C6orf120: variants seen among roughly 807,000 people sequenced by gnomAD.
The protein encoded by C6orf120 is chromosome 6 open reading frame 120.
For missense variants in C6orf120, 311 were observed against 264.2 expected (o/e 1.18, Z -1.23); for synonymous variants, 165 against 123.1 (o/e 1.34, Z -2.25).
chr6:169,704,035 C>T (rs1341280226), exon 1 of C6orf120: 2 of 1,600,336 alleles, frequency 1.2e-6, no homozygotes, highest in African/African-American at 2.7e-5. Context: ...CCCCTTCTGC[C>T]CACTTTCCTG....
rs866828542 is a variant in C6orf120 at position 169,704,050 on chromosome 6, T to C, written c.*1015T>C. 5 of 1,588,504 alleles carry C rather than the reference T, an allele frequency of 3.1e-6. No homozygotes were observed. The highest frequency in any genetic ancestry group is 4.3e-6 in the Non-Finnish European group (5 of 1,173,290). Reference sequence around the variant, plus strand: ...CCCCTTCTGCCCACTTTCCTGGGTGTTGGGGGGGCCCGCTGACAACAGTCA... The same window carrying C: ...CCCCTTCTGCCCACTTTCCTGGGTGCTGGGGGGGCCCGCTGACAACAGTCA... On this transcript the variant is annotated 3_prime_UTR_variant, in exon 1 of 1. Transcript: ENST00000332290.
downstream of C6orf120, among the ~76,000 whole-genome samples, chr6:169,706,353 TAGAA>T (rs550968783): frequency 4.7e-3 from 721 of 152,284 alleles, 3 homozygotes; most frequent in African/African-American, 0.015. Flanking sequence ...AATCTATACT[TAGAA>T]AGATTCACTA....
At chr6:169,702,308 G>A (rs1325495942) in exon 1 of C6orf120, 5 of 659,698 alleles carry the variant, frequency 7.6e-6, no homozygotes, top group African/African-American at 7.2e-5. Flanking sequence ...GGCCTCACGC[G>A]GGTGGGAAGG....
chr6:169,705,375 T>A, downstream of C6orf120: 3 of 1,264,830 alleles, frequency 2.4e-6, no homozygotes, highest in South Asian at 2.8e-5. Flanking sequence ...TAACTTAATA[T>A]GGCACATAAA....
In C6orf120 at chr6:169,702,742, C is replaced by T. The variant is rs1210996821; in HGVS notation, c.283C>T (p.Gln95Ter). The change falls in exon 1 of 1, where the codon CAA becomes TAA. Residue 95 changes from glutamine (Q) to a stop codon, truncating the protein, a stop_gained. Coordinates refer to ENST00000332290, the Ensembl canonical transcript of C6orf120. LOFTEE classifies it low-confidence loss of function (END_TRUNC). The stretch of plus-strand genomic sequence containing the variant: ...CCCCAGCTTCGACGACTACGAGCTG[C>T]AATCGGCCACCTGCGGCCCGGACGC... 6.2e-7 allele frequency: 1 copy of T among 1,613,390 alleles called. No individual in the cohort carries two copies. Among genetic ancestry groups the T allele is most frequent in the Non-Finnish European group, 8.5e-7 (1 of 1,180,008 alleles).
downstream of C6orf120, chr6:169,705,557 T>C: frequency 1.1e-6 from 1 of 945,910 alleles, no homozygotes; most frequent in Non-Finnish European, 1.7e-6. Context: ...CTATAAATTC[T>C]AGTTTTTGAA....
exon 1 of C6orf120, chr6:169,702,359 G>T: frequency 1.4e-6 from 1 of 724,998 alleles, no homozygotes; most frequent in Non-Finnish European, 2.2e-6. Context: ...ACGCGCCGTG[G>T]ACCCGCGTGC....
At position 169,702,822 on chromosome 6, in the gene C6orf120, C is replaced by A. The variant is rs760745811; in HGVS notation, c.363C>A (p.His121Gln). 3.1e-6 allele frequency: 5 copies of A among 1,612,544 alleles called. No homozygotes were observed. In the South Asian group the frequency reaches 5.5e-5, roughly 18 times the overall value. ...CAGTGGGCATCGGCGTCTATGGACACCCCTCCCACCTGGAGAGCGAGTTCG... is the reference window on the plus strand; with the variant it reads ...CAGTGGGCATCGGCGTCTATGGACAACCCTCCCACCTGGAGAGCGAGTTCG... Residue 121 changes from histidine to glutamine, a missense_variant, in exon 1 of 1, where the codon CAC (histidine) becomes CAA (glutamine). His to Gln is a conservative substitution (Grantham distance 24). Transcript: ENST00000332290.
Position 169,702,529 on chromosome 6 carries a change from C to CT in C6orf120, c.71dup (p.Ser25ValfsTer157), listed in dbSNP as rs1788383034. The CT allele has an allele frequency of 6.2e-7, 1 of 1,611,140 alleles. No homozygotes were observed. The highest frequency in any genetic ancestry group is 1.3e-5 in the African/African-American group (1 of 74,896). ...GCTGCTGCTCCTAGCCTCGCAGGTC[C>CT]TGTCTCCGGGAAGCTGCGCGGACGA... On this transcript the variant is annotated frameshift_variant, in exon 1 of 1. Transcript: ENST00000332290. LOFTEE classifies it low-confidence loss of function (END_TRUNC).
chr6:169,703,172 G>A (rs1788526093), exon 1 of C6orf120: 8 of 923,076 alleles, frequency 8.7e-6, no homozygotes, highest in Non-Finnish European at 1.3e-5. Context: ...GCCATACGCA[G>A]TTTTGTTACC....
chr6:169,705,123 T>TA, downstream of C6orf120: 1 of 1,580,864 alleles, frequency 6.3e-7, no homozygotes, highest in Non-Finnish European at 8.6e-7. Flanking sequence ...GCTCTTTTTT[T>TA]AATCTTTACC....
chr6:169,705,833 TGAG>T (rs541377270), downstream of C6orf120: 401 of 682,572 alleles, frequency 5.9e-4, 1 homozygote, highest in Non-Finnish European at 8.1e-4. Context: ...AACTTGCTAA[TGAG>T]GACCATTTTG....
downstream of C6orf120, chr6:169,705,180 T>C (rs767262713): frequency 6.2e-7 from 1 of 1,613,548 alleles, no homozygotes; most frequent in Non-Finnish European, 8.5e-7. Context: ...ATAACCTCTG[T>C]CACACATATC....
Position 169,702,231 on chromosome 6 carries a change from GC to G in C6orf120, c.-225del. On this transcript the variant is annotated 5_prime_UTR_variant, in exon 1 of 1. The change abolishes the stop of an existing upstream ORF in the 5' untranslated region. Transcript: ENST00000332290. ...AGGGTGCCACAGCGGCCCTGCCCCT[GC>G]CCCTGCCCCTGCCCTGAGTGGGCGC... 1.4e-6 allele frequency: 1 copy of G among 690,122 alleles called. No homozygotes were observed. The allele number at this position is 690,122 out of a possible 1,614,324, so 42.7% of individuals were successfully genotyped here.
chr6:169,702,498 G>C (rs773576111), exon 1 of C6orf120: 3 of 1,592,328 alleles, frequency 1.9e-6, no homozygotes, highest in East Asian at 4.6e-5. Flanking sequence ...CCTGGACGAC[G>C]GCCCTGCTGC....
downstream of C6orf120, chr6:169,705,324 A>C (rs760203551): frequency 1.9e-6 from 3 of 1,598,632 alleles, no homozygotes. Context: ...AGGATGGCCT[A>C]AATCAAAACC....
At chr6:169,702,365 C>A (rs1055356234) in exon 1 of C6orf120, 2 of 754,500 alleles carry the variant, frequency 2.7e-6, no homozygotes, top group Non-Finnish European at 4.2e-6. Flanking sequence ...CGTGGACCCG[C>A]GTGCGGACGG....
chr6:169,702,275 G>A (rs1562975127), exon 1 of C6orf120: 2 of 687,618 alleles, frequency 2.9e-6, no homozygotes, highest in Non-Finnish European at 5.3e-6. Context: ...CGGGGGAGGG[G>A]TTAACCCACC....
exon 1 of C6orf120, chr6:169,702,363 CGCGTGCGGACG>C (rs1788342270): frequency 1.3e-6 from 1 of 749,202 alleles, no homozygotes. Context: ...GCCGTGGACC[CGCGTGCGGACG>C]GCGGGGACAG....
Sources: gnomAD v4.1 joint callset for allele counts (sites outside exome capture counted in the v4.1 genomes callset) on GRCh38, gnomAD v4.1.1 for gene constraint, MANE v1.5 for transcripts, NCBI Gene and HGNC (gene_info 2026-07-23, HGNC 2026-07-21) for gene names.